PRMT7: variants seen among roughly 807,000 people sequenced by gnomAD.
PRMT7 encodes the protein protein arginine N-methyltransferase 7.
In PRMT7, 75 loss-of-function variants were observed where a neutral mutation model predicts 85.4. That is an observed-to-expected ratio of 0.88 (90% CI 0.73 to 1.06). The LOEUF (loss-of-function observed/expected upper bound fraction) is 1.06, where lower values mean the gene tolerates loss of function less well. PRMT7 is among the 50% of genes least tolerant of loss of function. PRMT7 has a pLI of 0.00. For synonymous variants in PRMT7, 397 were observed against 359.5 expected (o/e 1.10, Z -1.18); for missense variants, 868 against 915.2 (o/e 0.95, Z 0.67).
downstream of PRMT7, chr16:68,359,586 G>A (rs1338882361): frequency 6.5e-6 from 1 of 152,796 alleles, no homozygotes; most frequent in Non-Finnish European, 1.5e-5. Context: ...TGGGTGACAA[G>A]GCACAGCATC....
chr16:68,335,273 T>C (rs890583992), intron 6 of PRMT7, among the ~76,000 whole-genome samples: 2 of 152,188 alleles, frequency 1.3e-5, no homozygotes, highest in Admixed American at 6.5e-5. Context: ...ACCTTGTGGG[T>C]GCTGGGGTAC....
chr16:68,342,491 C>A (rs958612396), intron 9 of PRMT7, among the ~76,000 whole-genome samples: 5 of 152,116 alleles, frequency 3.3e-5, no homozygotes, highest in African/African-American at 4.8e-5. Context: ...TACCCAGGAG[C>A]GCCTCAGGCA....
At chr16:68,349,277 C>T (rs150606366) in intron 14 of PRMT7, among the ~76,000 whole-genome samples, 18 of 152,064 alleles carry the variant, frequency 1.2e-4, no homozygotes, top group Middle Eastern at 3.2e-3. Flanking sequence ...CCGTGTCCCC[C>T]GCTTCCCCTA....
intron 10 of PRMT7, 128 bp from the exon 11 acceptor site, chr16:68,346,017 G>GAAA: frequency 6.9e-7 from 1 of 1,443,058 alleles, no homozygotes; most frequent in Non-Finnish European, 9.4e-7. Flanking sequence ...AGATGCGTAG[G>GAAA]AAAAGTCTGG....
chr16:68,352,455 T>G (rs1597481479), intron 15 of PRMT7, 46 bp downstream of exon 15: 8 of 1,549,640 alleles, frequency 5.2e-6, no homozygotes, highest in Non-Finnish European at 7.0e-6. Flanking sequence ...AGGAGGCGGG[T>G]GGGGAACCTT....
intron 14 of PRMT7, among the ~76,000 whole-genome samples, chr16:68,348,939 G>C (rs2086846309): frequency 6.6e-6 from 1 of 152,108 alleles, no homozygotes; most frequent in African/African-American, 2.4e-5. Flanking sequence ...ACACCTGGCT[G>C]TACTGCTCTT....
At chr16:68,317,003 G>A (rs2081937459) in intron 3 of PRMT7, 1 of 151,718 alleles carries the variant, frequency 6.6e-6, no homozygotes, top group Middle Eastern at 3.2e-3. Flanking sequence ...GGCGGTGGAG[G>A]GGGTGGTGGC....
intron 9 of PRMT7, among the ~76,000 whole-genome samples, chr16:68,341,900 A>C (rs902869623): frequency 6.6e-6 from 1 of 152,252 alleles, no homozygotes; most frequent in African/African-American, 2.4e-5. Flanking sequence ...TCACCTTAGC[A>C]GAATTCAGCC....
intron 6 of PRMT7, among the ~76,000 whole-genome samples, chr16:68,329,894 C>T (rs2083615707): frequency 6.6e-6 from 1 of 151,774 alleles, no homozygotes; most frequent in Non-Finnish European, 1.5e-5. Context: ...CACACACACA[C>T]ACACATATTT....
intron 6 of PRMT7, among the ~76,000 whole-genome samples, chr16:68,331,604 A>T (rs973214761): frequency 6.6e-6 from 1 of 151,302 alleles, no homozygotes; most frequent in East Asian, 1.9e-4. Context: ...TGTAGCTGGG[A>T]CCACAGGCTC....
chr16:68,345,958 G>T (rs770831164), intron 10 of PRMT7, among the ~76,000 whole-genome samples, 156 bp downstream of exon 10: 1 of 152,180 alleles, frequency 6.6e-6, no homozygotes, highest in African/African-American at 2.4e-5. Flanking sequence ...GTGCCCATTC[G>T]TGTGTACCCA....
At chr16:68,312,955 G>T (rs2044135711) in intron 2 of PRMT7, among the ~76,000 whole-genome samples, 1 of 152,194 alleles carries the variant, frequency 6.6e-6, no homozygotes, top group African/African-American at 2.4e-5. Flanking sequence ...CTCCCAAGTA[G>T]CAGGGATTAC....
intron 5 of PRMT7, among the ~76,000 whole-genome samples, chr16:68,325,226 T>C (rs925349635): frequency 2.0e-5 from 3 of 152,164 alleles, no homozygotes; most frequent in Non-Finnish European, 2.9e-5. Flanking sequence ...CTGGGCATGG[T>C]GGCATGTGCC....
Position 68,324,825 on chromosome 16 carries a change from C to T in PRMT7, c.275C>T (p.Ala92Val). 3 of 1,614,004 alleles carry T rather than the reference C, an allele frequency of 1.9e-6. No homozygotes were observed. The highest frequency in any genetic ancestry group is 1.1e-5 in the South Asian group (1 of 91,070). The change falls in exon 5 of 19, where the codon GCC (alanine) becomes GTC (valine). Residue 92 changes from alanine to valine, a missense_variant. By Grantham distance (64) the Ala-to-Val change is moderately conservative. Coordinates refer to ENST00000441236, the MANE Select transcript of PRMT7 (RefSeq NM_019023.5). ...AVTAGADFCY[A>V]IEVFKPMADA... The stretch of plus-strand genomic sequence containing the variant: ...ACAGCAGGTGCCGACTTCTGCTATG[C>T]CATCGAGGTAAGCCATTCCCTTCAG...
intron 3 of PRMT7, among the ~76,000 whole-genome samples, chr16:68,317,531 CAA>C (rs1172384709): frequency 1.3e-5 from 2 of 151,880 alleles, no homozygotes; most frequent in Admixed American, 6.6e-5. Context: ...CACAAACAAA[CAA>C]AGACCAAAAA....
Position 68,321,559 on chromosome 16 carries a change from A to T in PRMT7, c.132+97A>T, listed in dbSNP as rs2082499895. ...TCCCTGGGGGTCATGATGTTAAATGATACTGAGAGGCGTATGGTGTAGAAG... is the reference window on the plus strand; with the variant it reads ...TCCCTGGGGGTCATGATGTTAAATGTTACTGAGAGGCGTATGGTGTAGAAG... On this transcript the variant is annotated intron_variant, in intron 4 of 18. Coordinates refer to ENST00000441236, the MANE Select transcript of PRMT7 (RefSeq NM_019023.5). 4 of 1,173,598 alleles carry T rather than the reference A, an allele frequency of 3.4e-6. No individual in the cohort carries two copies. In the South Asian group the frequency reaches 5.5e-5, roughly 16 times the overall value. The allele number at this position is 1,173,598 out of a possible 1,614,324, so 72.7% of individuals were successfully genotyped here. A position where few individuals can be genotyped will look rare whatever the true frequency, so the allele number is the denominator to read the frequency against.
intron 4 of PRMT7, chr16:68,324,149 GAAACT>G (rs2082823662): frequency 6.4e-6 from 1 of 155,416 alleles, no homozygotes. Context: ...CTAGGGCTGA[GAAACT>G]AAACGAGAAG....
At chr16:68,352,107 A>C (rs1385633836) in intron 14 of PRMT7, 141 bp from the exon 15 acceptor site, 3 of 815,942 alleles carry the variant, frequency 3.7e-6, no homozygotes, top group Non-Finnish European at 5.7e-6. Context: ...GGAATGAGTG[A>C]GTGACTGAGT....
Position 68,311,087 on chromosome 16 carries a change from T to A in PRMT7, c.-231T>A, listed in dbSNP as rs1012738857. ...GGTAGCAGCGGAGGCGAGCGGAGGGTTTCCCGCGGCGGGTGAGGCGCTGGG... is the reference window on the plus strand; with the variant it reads ...GGTAGCAGCGGAGGCGAGCGGAGGGATTCCCGCGGCGGGTGAGGCGCTGGG... On this transcript the variant is annotated 5_prime_UTR_variant, in exon 1 of 19. Coordinates refer to ENST00000441236, the MANE Select transcript of PRMT7 (RefSeq NM_019023.5). 6.7e-6 allele frequency: 5 copies of A among 742,068 alleles called. No individual in the cohort carries two copies. The African/African-American group carries it at 6.9e-5, about 10-fold the overall frequency. The allele number at this position is 742,068 out of a possible 1,614,324, so 46.0% of individuals were successfully genotyped here.
Sources: allele counts gnomAD v4.1 joint callset (sites outside exome capture counted in the v4.1 genomes callset), GRCh38; gene constraint gnomAD v4.1.1; transcripts MANE v1.5; gene names NCBI Gene and HGNC (gene_info 2026-07-23, HGNC 2026-07-21).